NDE1: variants seen among roughly 807,000 people sequenced by gnomAD.
NDE1 encodes nudE neurodevelopment protein 1, also known as nuclear distribution protein nudE homolog 1.
Under a neutral mutation model 43.4 loss-of-function variants are expected in NDE1, and 28 were observed. The observed-to-expected ratio is 0.65, with a 90% CI of 0.48 to 0.89. The LOEUF (loss-of-function observed/expected upper bound fraction) is 0.89. Among genes scored for constraint, NDE1 ranks in the 40% least tolerant of loss-of-function variants. The probability of loss-of-function intolerance (pLI) is 0.00; values close to 1 mark genes in which losing one functional copy is unlikely to be tolerated. For synonymous variants in NDE1, 184 were observed against 172.0 expected, an observed-to-expected ratio of 1.07 and a Z score of -0.55; for missense variants, 441 against 434.1, an observed-to-expected ratio of 1.02 and a Z score of -0.14.
chr16:15,719,910 C>T (rs1046236374), intron 8 of NDE1, among the ~76,000 whole-genome samples: 2 of 152,176 alleles, frequency 1.3e-5, no homozygotes, highest in African/African-American at 4.8e-5. Context: ...CTCCACAGAC[C>T]TGCCTGAGAA....
intron 1 of NDE1, among the ~76,000 whole-genome samples, chr16:15,656,900 A>C (rs2036795370): frequency 6.6e-6 from 1 of 152,036 alleles, no homozygotes; most frequent in Non-Finnish European, 1.5e-5. Context: ...AGTGAATGAG[A>C]GGTGGTAGGG....
At chr16:15,646,861 G>A (rs1282537545), upstream of NDE1, among the ~76,000 whole-genome samples, 2 of 151,924 alleles carry the variant, frequency 1.3e-5, no homozygotes, top group Non-Finnish European at 2.9e-5. Context: ...AACCAGCCTG[G>A]CCAACATGGT....
chr16:15,720,050 G>A (rs2040383550), intron 8 of NDE1: 2 of 1,491,104 alleles, frequency 1.3e-6, no homozygotes. Context: ...ACCAATGGCA[G>A]GTGCAGGCTT....
chr16:15,694,063 C>T (rs1428781932), intron 6 of NDE1, 102 bp from the exon 7 acceptor site: 7 of 1,334,472 alleles, frequency 5.2e-6, no homozygotes, highest in Admixed American at 3.9e-5. Context: ...CGAGGAAAGG[C>T]GTCAGTGTCC....
upstream of NDE1, chr16:15,649,303 T>C (rs1456418563): frequency 6.6e-6 from 1 of 152,248 alleles, no homozygotes; most frequent in African/African-American, 2.4e-5. Flanking sequence ...TTAAGTCATT[T>C]AGTCCTCTGC....
At chr16:15,675,874 A>G (rs953972728) in intron 3 of NDE1, among the ~76,000 whole-genome samples, 2 of 152,092 alleles carry the variant, frequency 1.3e-5, no homozygotes. Context: ...CTGGGGTTTG[A>G]TCTTGGCTCA....
intron 2 of NDE1, among the ~76,000 whole-genome samples, 186 bp from the exon 3 acceptor site, chr16:15,667,100 G>T (rs1013283278): frequency 7.9e-5 from 12 of 152,102 alleles, no homozygotes; most frequent in African/African-American, 2.9e-4. Context: ...ACAAAAATTA[G>T]CTGGGTGTGG....
chr16:15,696,416 T>TTG (rs1032407723), intron 7 of NDE1, among the ~76,000 whole-genome samples: 14 of 151,870 alleles, frequency 9.2e-5, no homozygotes, highest in African/African-American at 2.7e-4. Flanking sequence ...GGATCTTACT[T>TTG]TGTGGCCCAG....
chr16:15,716,727 C>A (rs575957274), intron 8 of NDE1, among the ~76,000 whole-genome samples: 1 of 152,134 alleles, frequency 6.6e-6, no homozygotes, highest in Non-Finnish European at 1.5e-5. Flanking sequence ...TTGGCCAGGC[C>A]GGTCTCAAAC....
intron 2 of NDE1, 90 bp downstream of exon 2, chr16:15,664,951 C>T: frequency 9.7e-7 from 1 of 1,029,348 alleles, no homozygotes. Context: ...GTGGCTGTTC[C>T]TAGGCGTGAT....
rs149228503 is a variant in NDE1 at position 15,718,623 on chromosome 16, G to A, written c.948-5568G>A. On this transcript the variant is annotated intron_variant, in intron 8 of 8. Transcript: ENST00000396354. The stretch of plus-strand genomic sequence containing the variant: ...GAAGTGGACAGCCGGGACTCAGGCC[G>A]GGTCCGTGTCAGCAAAGCTGGGATT... The A allele has an allele frequency of 4.1e-5, 37 of 892,364 alleles. No homozygotes were observed. In the East Asian group the frequency reaches 4.5e-4, roughly 11 times the overall value. 55.3% of individuals were successfully genotyped at this position (892,364 alleles called of 1,614,324 possible).
At chr16:15,704,858 A>C (rs2039364686) in intron 8 of NDE1, among the ~76,000 whole-genome samples, 2 of 152,228 alleles carry the variant, frequency 1.3e-5, no homozygotes, top group South Asian at 4.1e-4. Context: ...TATTTTATTA[A>C]ATTGAGATGA....
chr16:15,689,635 TTA>T (rs1173435528), intron 5 of NDE1, among the ~76,000 whole-genome samples: 2 of 152,122 alleles, frequency 1.3e-5, no homozygotes, highest in Admixed American at 6.6e-5. Context: ...TGTATAAAGT[TTA>T]TGTTTGAAAA....
intron 8 of NDE1, chr16:15,715,154 CAG>C (rs750581579): frequency 1.2e-6 from 2 of 1,613,238 alleles, no homozygotes; most frequent in Non-Finnish European, 1.7e-6. Context: ...GGCTGGGTGG[CAG>C]GGGCTACCTG....
At chr16:15,647,556 C>T (rs1158556660), upstream of NDE1, among the ~76,000 whole-genome samples, 6 of 152,150 alleles carry the variant, frequency 3.9e-5, no homozygotes, top group East Asian at 1.2e-3. Flanking sequence ...AGTGACCCCT[C>T]CCAGCCCGTT....
chr16:15,721,703 G>A (rs979448177), intron 8 of NDE1: 27 of 1,535,868 alleles, frequency 1.8e-5, no homozygotes, highest in East Asian at 1.1e-4. Flanking sequence ...TGTAAATACC[G>A]GGGGAAGCCC....
rs371917483 is a variant in NDE1 at position 15,694,229 on chromosome 16, T to A, written c.768T>A (p.Ile256=). 2 of 1,613,694 alleles carry A rather than the reference T, an allele frequency of 1.2e-6. No individual in the cohort carries two copies. The highest frequency in any genetic ancestry group is 2.7e-5 in the African/African-American group (2 of 74,908). Residue 256 remains isoleucine (I), a synonymous_variant, in exon 7 of 9, where the codon ATT becomes ATA. Coordinates refer to ENST00000396354, the MANE Select transcript of NDE1 (RefSeq NM_017668.3). Reference sequence around the variant, plus strand: ...CGGCCCGGATATCAGCCCTCAACATTGTGGGAGACCTACTGCGGAAAGTCG... The same window carrying A: ...CGGCCCGGATATCAGCCCTCAACATAGTGGGAGACCTACTGCGGAAAGTCG... The part of the protein sequence containing the change: ...TPAARISALN[I]VGDLLRKVGA...
At chr16:15,704,931 G>GGC (rs1320881883) in intron 8 of NDE1, among the ~76,000 whole-genome samples, 3 of 151,874 alleles carry the variant, frequency 2.0e-5, no homozygotes, top group African/African-American at 7.3e-5. Flanking sequence ...CTCCTACCTT[G>GGC]GCCTCCCAAA....
In NDE1 at chr16:15,663,397, G is replaced by A. The variant is rs1355564963; in HGVS notation, c.-43-1339G>A. ...TGGGAGTATGGGTGCCCGCCACCACGCCCAGCTAATTTTTGTATTTTTTTT... is the reference window on the plus strand; with the variant it reads ...TGGGAGTATGGGTGCCCGCCACCACACCCAGCTAATTTTTGTATTTTTTTT... On this transcript the variant is annotated intron_variant, in intron 1 of 8. Transcript: ENST00000396354. 3.3e-5 allele frequency among the ~76,000 whole-genome samples: 5 copies of A among 151,592 alleles called. No individual in the cohort carries two copies. In the East Asian group the frequency reaches 5.8e-4, roughly 18 times the overall value.
Sources: allele counts gnomAD v4.1 joint callset (sites outside exome capture counted in the v4.1 genomes callset), GRCh38; gene constraint gnomAD v4.1.1; transcripts MANE v1.5; gene names NCBI Gene and HGNC (gene_info 2026-07-23, HGNC 2026-07-21).